The following ANP32E variants were observed in gnomAD, a reference collection of about 807,000 sequenced individuals.
ANP32E encodes the protein acidic leucine-rich nuclear phosphoprotein 32 family member E.
Under a neutral mutation model 35.3 loss-of-function variants are expected in ANP32E, and 14 were observed. The observed-to-expected ratio is 0.40, with a 90% CI of 0.26 to 0.62. The LOEUF is 0.62. Ranked by LOEUF, ANP32E falls within the 20% of genes least tolerant of loss-of-function variation. ANP32E has a pLI of 0.45. For synonymous variants in ANP32E, 89 were observed against 110.4 expected, an observed-to-expected ratio of 0.81 and a Z score of 1.22; for missense variants, 198 against 304.4, an observed-to-expected ratio of 0.65 and a Z score of 2.60.
intron 2 of ANP32E, among the ~76,000 whole-genome samples, chr1:150,231,171 A>T (rs1649319173): frequency 6.6e-6 from 1 of 152,248 alleles, no homozygotes; most frequent in Admixed American, 6.5e-5. Context: ...ATGTATTAGA[A>T]CACCTACATA....
chr1:150,224,378 GC>G (rs1469484112), intron 5 of ANP32E, among the ~76,000 whole-genome samples: 3 of 152,050 alleles, frequency 2.0e-5, no homozygotes, highest in Non-Finnish European at 4.4e-5. Context: ...TTCAAGACCA[GC>G]CTGGCCAACA....
intron 1 of ANP32E, chr1:150,234,466 G>T: frequency 2.3e-6 from 1 of 440,766 alleles, no homozygotes; most frequent in Non-Finnish European, 3.0e-6. Context: ...TCCACACGCC[G>T]GACGCGAAAG....
Position 150,225,299 on chromosome 1 carries a change from C to T in ANP32E, c.681+1309G>A, listed in dbSNP as rs1572014460. ...GGCTCATTTCAGATAGAGTGAACAA[C>T]ATATTCATACACAGCCATAAAGGTA... On this transcript the variant is annotated intron_variant, in intron 5 of 6. Coordinates refer to ENST00000583931, the MANE Select transcript of ANP32E (RefSeq NM_030920.5). Among the ~76,000 whole-genome samples, 5 of 152,210 alleles carry T rather than the reference C, an allele frequency of 3.3e-5. No individual in the cohort carries two copies. In the South Asian group the frequency reaches 1.0e-3, roughly 32 times the overall value.
rs144280614 is a variant in ANP32E at position 150,230,284 on chromosome 1, A to G, written c.327+287T>C. On this transcript the variant is annotated intron_variant, in intron 3 of 6. Coordinates refer to ENST00000583931, the MANE Select transcript of ANP32E (RefSeq NM_030920.5). ...GGACAAATAATAAAAAACTCAAAAA[A>G]TAATCAAGAAGCAAAGAAAAAGAAT... Among the ~76,000 whole-genome samples the G allele has an allele frequency of 1.6e-4, 25 of 152,284 alleles. No individual in the cohort carries two copies. In the East Asian group the frequency reaches 4.2e-3, roughly 26 times the overall value.
At chr1:150,226,422 T>C (rs1315218918) in intron 5 of ANP32E, among the ~76,000 whole-genome samples, 186 bp downstream of exon 5, 2 of 152,266 alleles carry the variant, frequency 1.3e-5, no homozygotes, top group South Asian at 2.1e-4. Context: ...GTAAAATCAA[T>C]AGGTGTTTAT....
rs1283395740 is a variant in ANP32E at position 150,219,260 on chromosome 1, T to C, written c.*1431A>G. 2.0e-5 allele frequency: 3 copies of C among 152,168 alleles called. No individual in the cohort carries two copies. Among genetic ancestry groups the C allele is most frequent in the Non-Finnish European group, 4.4e-5 (3 of 68,020 alleles). The allele number at this position is 152,168 out of a possible 1,614,324, so 9.4% of individuals were successfully genotyped here. A position where few individuals can be genotyped will look rare whatever the true frequency, so the allele number is the denominator to read the frequency against. The stretch of plus-strand genomic sequence containing the variant: ...AGATAGCCAAGATTTAAAAAGCCAT[T>C]GCCTTGAACATGGAGCCTCCATAGC... On this transcript the variant is annotated 3_prime_UTR_variant, in exon 7 of 7. Transcript: ENST00000583931.
chr1:150,226,832 G>A, intron 4 of ANP32E, 37 bp from the exon 5 acceptor site: 1 of 1,568,994 alleles, frequency 6.4e-7, no homozygotes, highest in Non-Finnish European at 8.6e-7. Context: ...AAATGACTGG[G>A]TAAATGTTTC....
At chr1:150,222,280 C>A (rs920053755) in intron 6 of ANP32E, among the ~76,000 whole-genome samples, 11 of 150,744 alleles carry the variant, frequency 7.3e-5, no homozygotes, top group East Asian at 3.9e-4. Flanking sequence ...ATTAGCCAGG[C>A]GTGGTGGCGG....
Position 150,219,095 on chromosome 1 carries a change from T to C in ANP32E, c.*1596A>G, listed in dbSNP as rs1221066942. ...TTACTTTAAAACACCAAGTCATACA[T>C]TTTACATTGTAGAAGCAGTAGCAGC... is the stretch of plus-strand genomic sequence containing the variant. On this transcript the variant is annotated 3_prime_UTR_variant, in exon 7 of 7. Transcript: ENST00000583931. 1 of 152,230 alleles carries C rather than the reference T, an allele frequency of 6.6e-6. No homozygotes were observed. The highest frequency in any genetic ancestry group is 2.4e-5 in the African/African-American group (1 of 41,458). The allele number at this position is 152,230 out of a possible 1,614,324, so 9.4% of individuals were successfully genotyped here.
At chr1:150,225,692 G>C (rs1468330596) in intron 5 of ANP32E, among the ~76,000 whole-genome samples, 1 of 72,502 alleles carries the variant, frequency 1.4e-5, no homozygotes, top group South Asian at 4.7e-4. Flanking sequence ...AAAAAAAAAA[G>C]CAGAAGGAAG....
chr1:150,233,653 C>T (rs1649551181), intron 1 of ANP32E, among the ~76,000 whole-genome samples: 1 of 152,100 alleles, frequency 6.6e-6, no homozygotes, highest in Non-Finnish European at 1.5e-5. Flanking sequence ...GGTTGAAGAT[C>T]CTGGTTCTCT....
At chr1:150,223,968 C>G (rs1553839058) in intron 5 of ANP32E, among the ~76,000 whole-genome samples, 2 of 151,948 alleles carry the variant, frequency 1.3e-5, no homozygotes, top group Non-Finnish European at 2.9e-5. Flanking sequence ...TGGTCTCAAA[C>G]TCCCGACCTC....
rs1323796361 is a variant in ANP32E at position 150,235,401 on chromosome 1, A to G, written c.54+332T>C. Among the ~76,000 whole-genome samples, 1 of 152,090 alleles carries G rather than the reference A, an allele frequency of 6.6e-6. No individual in the cohort carries two copies. Among genetic ancestry groups the G allele is most frequent in the African/African-American group, 2.4e-5 (1 of 41,442 alleles). ...GGTCGCGCCCACGCCGCCGGCCCCCAGGAGGAGGAGTGCCGGGAGCGAAGC... is the reference window on the plus strand; with the variant it reads ...GGTCGCGCCCACGCCGCCGGCCCCCGGGAGGAGGAGTGCCGGGAGCGAAGC... On this transcript the variant is annotated intron_variant, in intron 1 of 6. Transcript: ENST00000583931. The surrounding 1 kb of genome is among the most constrained non-coding windows in gnomAD (Gnocchi z 4.2).
At chr1:150,229,989 A>C (rs1649227716) in intron 3 of ANP32E, among the ~76,000 whole-genome samples, 1 of 152,226 alleles carries the variant, frequency 6.6e-6, no homozygotes, top group Non-Finnish European at 1.5e-5. Context: ...TTCGAGTTTT[A>C]TAATGAAGGG....
chr1:150,235,624 T>G lies in ANP32E; in HGVS notation c.54+109A>C. The G allele has an allele frequency of 1.7e-6, 2 of 1,191,154 alleles. No individual in the cohort carries two copies. Among genetic ancestry groups the G allele is most frequent in the Non-Finnish European group, 2.4e-6 (2 of 830,112 alleles). 73.8% of individuals were successfully genotyped at this position (1,191,154 alleles called of 1,614,324 possible). A position where few individuals can be genotyped will look rare whatever the true frequency, so the allele number is the denominator to read the frequency against. On this transcript the variant is annotated intron_variant, in intron 1 of 6. Coordinates refer to ENST00000583931, the MANE Select transcript of ANP32E (RefSeq NM_030920.5). This position sits in a 1 kb window ranked among gnomAD's most constrained non-coding sequence, Gnocchi z 4.2. The stretch of plus-strand genomic sequence containing the variant: ...TTTCCCCAACCCTAACCCGGGGGGA[T>G]GGGGGCTAACTTATTACTCCATCCC...
At chr1:150,224,288 G>C (rs1648693943) in intron 5 of ANP32E, among the ~76,000 whole-genome samples, 1 of 152,196 alleles carries the variant, frequency 6.6e-6, no homozygotes, top group African/African-American at 2.4e-5. Flanking sequence ...AAAAGGAAAA[G>C]GTGGGGCCAG....
At chr1:150,230,746 C>CATT in intron 2 of ANP32E, 53 bp from the exon 3 acceptor site, 6 of 1,238,154 alleles carry the variant, frequency 4.8e-6, no homozygotes, top group Non-Finnish European at 6.5e-6. Context: ...TCATATCAAA[C>CATT]TTTTTTTTTT....
At chr1:150,220,849 G>T in intron 6 of ANP32E, 88 bp from the exon 7 acceptor site, 2 of 1,138,562 alleles carry the variant, frequency 1.8e-6, no homozygotes, top group Non-Finnish European at 2.6e-6. Context: ...AAAGTTAATG[G>T]CAAGGCCTAG....
rs1648167460 is a variant in ANP32E at position 150,219,395 on chromosome 1, GAAAAC to G, written c.*1291_*1295del. 6.6e-6 allele frequency: 1 copy of G among 152,088 alleles called. No homozygotes were observed. The highest frequency in any genetic ancestry group is 2.4e-5 in the African/African-American group (1 of 41,424). The allele number at this position is 152,088 out of a possible 1,614,324, so 9.4% of individuals were successfully genotyped here. On this transcript the variant is annotated 3_prime_UTR_variant, in exon 7 of 7. Coordinates refer to ENST00000583931, the MANE Select transcript of ANP32E (RefSeq NM_030920.5). ...TTCTACTTTTAATGGACATCCACTT[GAAAAC>G]AAATCTTAATTTTAATGTCAATTTA...
Sources: gnomAD v4.1 joint callset for allele counts (sites outside exome capture counted in the v4.1 genomes callset) on GRCh38, gnomAD v4.1.1 for gene constraint, Gnocchi (gnomAD v3.1) non-coding constraint, MANE v1.5 for transcripts, NCBI Gene and HGNC (gene_info 2026-07-23, HGNC 2026-07-21) for gene names.